The following ADGB variants were observed in gnomAD, a reference collection of about 807,000 sequenced individuals.
ADGB encodes the protein calpain-7-like protein.
Under a neutral mutation model 210.5 loss-of-function variants are expected in ADGB, and 172 were observed. That is an observed-to-expected ratio of 0.82 (90% CI 0.72 to 0.93). The LOEUF (loss-of-function observed/expected upper bound fraction) is 0.93. ADGB is among the 40% of genes least tolerant of loss of function. The pLI, the probability that ADGB is intolerant of heterozygous loss-of-function variation, is 0.00. For missense variants in ADGB, 2,025 were observed against 1,964.8 expected (o/e 1.03, Z -0.58); for synonymous variants, 658 against 662.7 (o/e 0.99, Z 0.11).
chr6:146,778,368 C>T (rs116564303), intron 29 of ADGB, among the ~76,000 whole-genome samples: 2,154 of 152,210 alleles, frequency 0.014, 36 homozygotes, highest in African/African-American at 0.049. Context: ...GTTTCTGCCA[C>T]CCCAAAGTTT....
Position 146,782,141 on chromosome 6 carries a change from T to C in ADGB, c.3984T>C (p.Ser1328=). 6.5e-7 allele frequency: 1 copy of C among 1,546,276 alleles called. No homozygotes were observed. The change falls in exon 30 of 36, where the codon TCT becomes TCC. Residue 1328 remains serine, a synonymous_variant. Coordinates refer to ENST00000397944, the MANE Select transcript of ADGB (RefSeq NM_024694.4). ...CAAGGAAAGGCAAAGAAAAGTCTTC[T>C]GAGAAAGAAAAGACAGCCAAAGAAA... The part of the protein sequence containing the change: ...KTTRKGKEKS[S]EKEKTAKEKQ...
intron 1 of ADGB, among the ~76,000 whole-genome samples, chr6:146,629,742 C>T (rs902957961): frequency 6.6e-6 from 1 of 152,080 alleles, no homozygotes; most frequent in African/African-American, 2.4e-5. Context: ...TAATTTATGC[C>T]TTGATTTTTC....
In ADGB at chr6:146,769,638, A is replaced by G. The variant is rs1291333215; in HGVS notation, c.3862+507A>G. Among the ~76,000 whole-genome samples, 6 of 152,188 alleles carry G rather than the reference A, an allele frequency of 3.9e-5. 1 individual carries two copies. ...TGTTGCTTTCAAAAAAGAGAATCAA[A>G]GGGAAATCTCCAACAGCTTTATATC... On this transcript the variant is annotated intron_variant, in intron 29 of 35. Transcript: ENST00000397944.
chr6:146,783,562 G>C (rs905951348), intron 30 of ADGB, among the ~76,000 whole-genome samples: 1 of 152,038 alleles, frequency 6.6e-6, no homozygotes, highest in Non-Finnish European at 1.5e-5. Context: ...GTGTTAAAAG[G>C]AGGAAATAAA....
intron 1 of ADGB, among the ~76,000 whole-genome samples, chr6:146,606,453 A>C (rs931832933): frequency 2.6e-5 from 4 of 152,122 alleles, no homozygotes; most frequent in Non-Finnish European, 4.4e-5. Flanking sequence ...TGGAGCCTTC[A>C]TCATAAAATA....
intron 1 of ADGB, among the ~76,000 whole-genome samples, chr6:146,615,210 C>G (rs1051815398): frequency 6.6e-6 from 1 of 151,630 alleles, no homozygotes; most frequent in South Asian, 2.1e-4. Flanking sequence ...CAGCCAATCT[C>G]AGACTCTTTT....
chr6:146,691,254 C>G lies in ADGB; in HGVS notation c.1450C>G (p.Gln484Glu). Residue 484 changes from glutamine (Q) to glutamate (E), a missense_variant, in exon 11 of 36, where the codon CAA becomes GAA. Transcript: ENST00000397944. ...PPLPPWKLIR[Q>E]KKETVITDEA... Reference sequence around the variant, plus strand: ...TCTACCTCCCTGGAAACTCATTCGTCAAAAAAAGGAAACTGTTATAACAGA... The same window carrying G: ...TCTACCTCCCTGGAAACTCATTCGTGAAAAAAAGGAAACTGTTATAACAGA... 1 of 1,543,822 alleles carries G rather than the reference C, an allele frequency of 6.5e-7. No individual in the cohort carries two copies. The highest frequency in any genetic ancestry group is 8.7e-7 in the Non-Finnish European group (1 of 1,144,956).
chr6:146,722,890 A>C (rs1776842296), intron 17 of ADGB, among the ~76,000 whole-genome samples: 1 of 152,174 alleles, frequency 6.6e-6, no homozygotes, highest in African/African-American at 2.4e-5. Context: ...ATACACACGC[A>C]CACACAGGCA....
intron 1 of ADGB, among the ~76,000 whole-genome samples, chr6:146,600,943 CA>C (rs1780548010): frequency 6.6e-6 from 1 of 151,656 alleles, no homozygotes; most frequent in Admixed American, 6.6e-5. Context: ...CACACACACA[CA>C]CACACACACA....
Position 146,633,610 on chromosome 6 carries a change from G to A in ADGB, c.75-1765G>A, listed in dbSNP as rs569660094. Among the ~76,000 whole-genome samples the A allele has an allele frequency of 3.0e-4, 46 of 152,190 alleles. No homozygotes were observed. The South Asian group carries it at 5.2e-3, about 17-fold the overall frequency. ...AATACTCTTCCTTCCTGTATCTGGA[G>A]CATTCTTTGATGGATAGTCACATAG... On this transcript the variant is annotated intron_variant, in intron 1 of 35. Transcript: ENST00000397944.
chr6:146,794,265 G>A (rs1369503675), intron 33 of ADGB, among the ~76,000 whole-genome samples: 1 of 152,162 alleles, frequency 6.6e-6, no homozygotes, highest in Non-Finnish European at 1.5e-5. Context: ...AACTGGTTGT[G>A]TATGTTAAAA....
chr6:146,711,685 G>A (rs1455643722), intron 13 of ADGB, among the ~76,000 whole-genome samples: 1 of 152,052 alleles, frequency 6.6e-6, no homozygotes, highest in Admixed American at 6.6e-5. Flanking sequence ...AATTGTAAAG[G>A]TCTTATTTAA....
rs775115322 is a variant in ADGB, at chr6:146,700,952, G to A, written c.1589G>A (p.Arg530His). ...TGTTTTCCTTTTAGGCATTTTGTGC[G>A]CTCCTTAATTAAGAAAGGAATACCT... ...FTIPTEMHFV[R>H]SLIKKGIPPG... The change falls in exon 13 of 36, where the codon CGC becomes CAC. Residue 530 changes from arginine to histidine, a missense_variant. Transcript: ENST00000397944. 40 of 1,549,406 alleles carry A rather than the reference G, an allele frequency of 2.6e-5. No individual in the cohort carries two copies. Among genetic ancestry groups the A allele is most frequent in the Admixed American group, 7.9e-5 (4 of 50,460 alleles).
intron 1 of ADGB, among the ~76,000 whole-genome samples, chr6:146,617,837 T>G (rs1183707828): frequency 1.3e-5 from 2 of 152,070 alleles, no homozygotes; most frequent in African/African-American, 4.8e-5. Flanking sequence ...TTGAATTCGG[T>G]TTGCCAGGAC....
At chr6:146,617,896 T>C (rs781106441) in intron 1 of ADGB, among the ~76,000 whole-genome samples, 1 of 152,026 alleles carries the variant, frequency 6.6e-6, no homozygotes, top group Non-Finnish European at 1.5e-5. Flanking sequence ...CCCTGCACAG[T>C]AGAAATTTGT....
chr6:146,740,072 C>T (rs1019629509), intron 23 of ADGB, among the ~76,000 whole-genome samples: 2 of 152,228 alleles, frequency 1.3e-5, no homozygotes, highest in Non-Finnish European at 2.9e-5. Context: ...ATTCTCTCTA[C>T]TTCAATTCCA....
intron 35 of ADGB, among the ~76,000 whole-genome samples, chr6:146,809,358 A>G (rs1778266177): frequency 6.6e-6 from 1 of 152,186 alleles, no homozygotes; most frequent in East Asian, 1.9e-4. Context: ...TGGTGCAGCC[A>G]CCACGCCCGG....
chr6:146,781,642 G>A (rs1777801613), intron 29 of ADGB, among the ~76,000 whole-genome samples: 1 of 151,990 alleles, frequency 6.6e-6, no homozygotes, highest in Non-Finnish European at 1.5e-5. Context: ...TCAGAAGTAA[G>A]GGAATAATAA....
At chr6:146,706,713 T>C (rs560731539) in intron 13 of ADGB, among the ~76,000 whole-genome samples, 8 of 152,110 alleles carry the variant, frequency 5.3e-5, no homozygotes, top group Admixed American at 1.3e-4. Context: ...TAGGATTCTT[T>C]GTATTTCTGC....
Sources: allele counts gnomAD v4.1 joint callset (sites outside exome capture counted in the v4.1 genomes callset), GRCh38; gene constraint gnomAD v4.1.1; transcripts MANE v1.5; gene names NCBI Gene and HGNC (gene_info 2026-07-23, HGNC 2026-07-21).